ASAP1: variants seen among roughly 807,000 people sequenced by gnomAD.
ASAP1 encodes ArfGAP with SH3 domain, ankyrin repeat and PH domain 1, also known as arf-GAP with SH3 domain, ANK repeat and PH domain-containing protein 1.
Under a neutral mutation model 145.2 loss-of-function variants are expected in ASAP1, and 43 were observed. The ratio of observed to expected loss-of-function variants is 0.30; its 90% CI spans 0.23 to 0.38. ASAP1 has a LOEUF of 0.38. Among genes scored for constraint, ASAP1 ranks in the 10% least tolerant of loss-of-function variants. The probability of loss-of-function intolerance (pLI) is 1.00; values close to 1 mark genes in which losing one functional copy is unlikely to be tolerated. For missense variants in ASAP1, 1,018 were observed against 1,355.3 expected (o/e 0.75, Z 3.91); for synonymous variants, 546 against 515.5 (o/e 1.06, Z -0.80).
At chr8:130,168,894 C>A (rs2097685616) in intron 10 of ASAP1, 98 bp downstream of exon 10, 1 of 719,382 alleles carries the variant, frequency 1.4e-6, no homozygotes, top group Non-Finnish European at 2.3e-6. Context: ...ATCATTTAAT[C>A]TTTTCTGCTT....
intron 1 of ASAP1, among the ~76,000 whole-genome samples, chr8:130,437,829 A>G (rs967160934): frequency 6.6e-6 from 1 of 152,108 alleles, no homozygotes; most frequent in Non-Finnish European, 1.5e-5. Flanking sequence ...AACTCCCACC[A>G]CAGCTGGGGA....
At chr8:130,102,698 T>C (rs1175742288) in intron 24 of ASAP1, among the ~76,000 whole-genome samples, 3 of 152,150 alleles carry the variant, frequency 2.0e-5, no homozygotes, top group African/African-American at 2.4e-5. Flanking sequence ...ATTTGATTGA[T>C]TGATTGAGAC....
intron 1 of ASAP1, among the ~76,000 whole-genome samples, chr8:130,428,210 G>A (rs529515875): frequency 7.4e-4 from 112 of 151,948 alleles, no homozygotes; most frequent in Middle Eastern, 6.8e-3. Context: ...TCTCTAGACT[G>A]GGAATATTTA....
rs188532491 is a variant in ASAP1 at position 130,357,857 on chromosome 8, G to A, written c.186+160C>T. ...CCAGAAAGGGCGAGGAGATGGGGAAGGCGCCGCCCGTCCGAAGTCCCTTAT... is the reference window on the plus strand; with the variant it reads ...CCAGAAAGGGCGAGGAGATGGGGAAAGCGCCGCCCGTCCGAAGTCCCTTAT... On this transcript the variant is annotated intron_variant, in intron 3 of 29. Transcript: ENST00000518721. Among the ~76,000 whole-genome samples the A allele has an allele frequency of 6.5e-3, 983 of 152,370 alleles. 11 individuals carry two copies. Among genetic ancestry groups the A allele is most frequent in the African/African-American group, 0.021 (888 of 41,588 alleles).
At chr8:130,137,847 C>T (rs971300059) in intron 13 of ASAP1, among the ~76,000 whole-genome samples, 10 of 152,174 alleles carry the variant, frequency 6.6e-5, no homozygotes. Flanking sequence ...TCCTGCCTGC[C>T]CATGTTCAAG....
In ASAP1 at chr8:130,072,883, C is replaced by T. The variant is rs867407768; in HGVS notation, c.2701+3465G>A. On this transcript the variant is annotated intron_variant, in intron 27 of 29. Coordinates refer to ENST00000518721, the MANE Select transcript of ASAP1 (RefSeq NM_018482.4). ...TCTCACCCGGTGGGACTGGCACTAT[C>T]TTCAGGTAGACAGTGTCGGAACTGA... 7.5e-5 allele frequency among the ~76,000 whole-genome samples: 11 copies of T among 146,948 alleles called. No individual in the cohort carries two copies. In the South Asian group the frequency reaches 9.0e-4, roughly 12 times the overall value.
At chr8:130,136,835 C>A (rs1488071728) in intron 14 of ASAP1, 116 bp downstream of exon 14, 2 of 866,888 alleles carry the variant, frequency 2.3e-6, no homozygotes, top group Admixed American at 1.9e-5. Flanking sequence ...GCAGGAATAA[C>A]TGTTCCAATG....
intron 4 of ASAP1, among the ~76,000 whole-genome samples, chr8:130,227,722 T>C (rs1022300440): frequency 9.2e-5 from 14 of 151,444 alleles, no homozygotes; most frequent in African/African-American, 3.4e-4. Context: ...TATAAATCAA[T>C]GGTTCTGATC....
chr8:130,203,939 CTTAAA>C (rs1010956251), intron 5 of ASAP1, among the ~76,000 whole-genome samples: 4 of 152,158 alleles, frequency 2.6e-5, no homozygotes, highest in Non-Finnish European at 4.4e-5. Context: ...CAACTTTTAA[CTTAAA>C]TTAATTTAAA....
At chr8:130,291,700 A>G (rs1821954609) in intron 3 of ASAP1, among the ~76,000 whole-genome samples, 1 of 152,198 alleles carries the variant, frequency 6.6e-6, no homozygotes, top group African/African-American at 2.4e-5. Context: ...ACCTTGAAAA[A>G]GGCAACCAAA....
At chr8:130,229,882 C>T (rs746645048) in intron 4 of ASAP1, among the ~76,000 whole-genome samples, 1 of 151,982 alleles carries the variant, frequency 6.6e-6, no homozygotes, top group Non-Finnish European at 1.5e-5. Flanking sequence ...CTCTACCAAA[C>T]ACCACCTCCC....
chr8:130,176,019 T>C (rs10095984), intron 9 of ASAP1, among the ~76,000 whole-genome samples: 7,784 of 152,312 alleles, frequency 0.051, 286 homozygotes, highest in Non-Finnish European at 0.082. Flanking sequence ...ATATGTCTGT[T>C]TGGAAAGCAG....
At chr8:130,085,375 G>C (rs2097490288) in intron 25 of ASAP1, among the ~76,000 whole-genome samples, 2 of 152,038 alleles carry the variant, frequency 1.3e-5, no homozygotes, top group African/African-American at 4.8e-5. Context: ...TTCTCCCTTT[G>C]TCCTCATTTC....
At chr8:130,224,011 A>G (rs534468247) in intron 4 of ASAP1, among the ~76,000 whole-genome samples, 1 of 152,238 alleles carries the variant, frequency 6.6e-6, no homozygotes, top group African/African-American at 2.4e-5. Flanking sequence ...TTTCAATGTA[A>G]GTGTAACCTA....
At chr8:130,268,083 G>A (rs1449400205) in intron 3 of ASAP1, among the ~76,000 whole-genome samples, 2 of 152,050 alleles carry the variant, frequency 1.3e-5, no homozygotes, top group Non-Finnish European at 2.9e-5. Context: ...CAGATCTGAT[G>A]GTATCAGCCA....
chr8:130,214,519 G>C (rs1425325624), intron 5 of ASAP1, 37 bp downstream of exon 5: 6 of 1,544,922 alleles, frequency 3.9e-6, no homozygotes, highest in East Asian at 2.3e-5. Context: ...TTTTGGAAAG[G>C]CTGTAATTCT....
chr8:130,278,180 A>G (rs754458871), intron 3 of ASAP1, among the ~76,000 whole-genome samples: 15 of 152,202 alleles, frequency 9.9e-5, no homozygotes, highest in Non-Finnish European at 1.8e-4. Context: ...GCATAAAGGG[A>G]ATGAGCAATG....
intron 13 of ASAP1, among the ~76,000 whole-genome samples, chr8:130,138,832 G>C (rs1485306867): frequency 8.2e-6 from 1 of 121,804 alleles, no homozygotes. Context: ...GTGAAACTCC[G>C]TCTCAAAAAA....
intron 3 of ASAP1, among the ~76,000 whole-genome samples, chr8:130,300,388 G>A (rs1822591149): frequency 6.6e-6 from 1 of 152,114 alleles, no homozygotes; most frequent in African/African-American, 2.4e-5. Flanking sequence ...TTACACTACT[G>A]CTGTTTTTTA....
Sources: gnomAD v4.1 joint callset for allele counts (sites outside exome capture counted in the v4.1 genomes callset) on GRCh38, gnomAD v4.1.1 for gene constraint, MANE v1.5 for transcripts, NCBI Gene and HGNC (gene_info 2026-07-23, HGNC 2026-07-21) for gene names.